CDHR2: variants seen among roughly 807,000 people sequenced by gnomAD.
CDHR2 encodes the protein cadherin-related family member 2.
Under a neutral mutation model 138.6 loss-of-function variants are expected in CDHR2, and 104 were observed. That is an observed-to-expected ratio of 0.75 (90% CI 0.64 to 0.88). The LOEUF is 0.88. Among genes scored for constraint, CDHR2 ranks in the 40% least tolerant of loss-of-function variants. CDHR2 has a pLI of 0.00. For synonymous variants in CDHR2, 755 were observed against 742.8 expected, an observed-to-expected ratio of 1.02 and a Z score of -0.27; for missense variants, 1,624 against 1,727.6, an observed-to-expected ratio of 0.94 and a Z score of 1.06.
At chr5:176,569,346 C>T (rs10056398) in intron 5 of CDHR2, among the ~76,000 whole-genome samples, 36,371 of 149,200 alleles carry the variant, frequency 0.24, 4,742 homozygotes, top group East Asian at 0.48. Flanking sequence ...TGCAGTGGCG[C>T]GATCTCGGCT....
upstream of CDHR2, among the ~76,000 whole-genome samples, chr5:176,545,468 T>G (rs1757565359): frequency 6.6e-6 from 1 of 152,122 alleles, no homozygotes; most frequent in African/African-American, 2.4e-5. Flanking sequence ...TAAAAAAAAT[T>G]TTAAGGCACA....
intron 3 of CDHR2, chr5:176,566,887 T>C (rs1581136113): frequency 1.3e-5 from 6 of 454,440 alleles, no homozygotes; most frequent in Non-Finnish European, 2.7e-5. Context: ...GGGGCTCCAT[T>C]GTTCTCAGAA....
intron 21 of CDHR2, among the ~76,000 whole-genome samples, chr5:176,587,698 G>A (rs1758702407): frequency 6.6e-6 from 1 of 152,146 alleles, no homozygotes; most frequent in Non-Finnish European, 1.5e-5. Context: ...GCATGTGGGT[G>A]CCATTCCCTA....
chr5:176,567,523 G>A (rs1195425723), intron 3 of CDHR2, among the ~76,000 whole-genome samples: 2 of 151,262 alleles, frequency 1.3e-5, no homozygotes, highest in African/African-American at 2.4e-5. Context: ...ATGGAGTCTC[G>A]CTCTGTCACC....
Position 176,568,849 on chromosome 5 carries a change from C to T in CDHR2, c.264+32C>T, listed in dbSNP as rs201217636. 2.6e-3 allele frequency: 4,119 copies of T among 1,612,752 alleles called. 12 individuals carry two copies. The highest frequency in any genetic ancestry group is 2.9e-3 in the Non-Finnish European group (3,462 of 1,179,228). On this transcript the variant is annotated intron_variant, in intron 4 of 31. Transcript: ENST00000261944. ...AGCATCAGCCGGAGAGGGCACGGGA[C>T]GCGGAGGGGGTGCTGGGAGGGCCCT...
chr5:176,558,810 G>T (rs996010579), intron 1 of CDHR2, among the ~76,000 whole-genome samples: 4 of 152,300 alleles, frequency 2.6e-5, no homozygotes, highest in East Asian at 1.9e-4. Context: ...GTGAGCCACC[G>T]CGCCCGGTTG....
At chr5:176,581,617 C>T (rs1758535462) in intron 17 of CDHR2, 35 bp downstream of exon 17, 2 of 1,596,952 alleles carry the variant, frequency 1.3e-6, no homozygotes, top group Middle Eastern at 1.7e-4. Context: ...GGCCTGGGGG[C>T]CTCCCAAGCC....
chr5:176,585,006 A>T lies in CDHR2; in HGVS notation c.2725A>T (p.Ser909Cys), dbSNP rs1283254559. 4.5e-6 allele frequency: 7 copies of T among 1,544,806 alleles called. No individual in the cohort carries two copies. The highest frequency in any genetic ancestry group is 5.3e-6 in the Non-Finnish European group (6 of 1,141,276). The change falls in exon 19 of 32, where the codon AGC becomes TGC. Residue 909 changes from serine (S) to cysteine (C), a missense_variant. Physicochemically the swap from Ser to Cys is moderately radical, Grantham distance 112. Coordinates refer to ENST00000261944, the MANE Select transcript of CDHR2 (RefSeq NM_017675.6). The part of the protein sequence containing the change: ...LATDPGFQAY[S>C]NNGSLLITIE... ...CACGGACCCCGGCTTCCAGGCCTAC[A>T]GCAACAATGGTAAGGCAGCCTGTCC...
In CDHR2 at chr5:176,575,844, G is replaced by A. The variant is rs1363286472; in HGVS notation, c.960+5G>A. 1.3e-6 allele frequency: 2 copies of A among 1,546,596 alleles called. No individual in the cohort carries two copies. The highest frequency in any genetic ancestry group is 1.4e-5 in the African/African-American group (1 of 73,022). ...GAGGTGCAGCTGCAGGTCACGGTGA[G>A]CAAAGGCCCCACCACCCCTGTCAGA... On this transcript the variant is annotated splice_donor_5th_base_variant and intron_variant, in intron 11 of 31. Coordinates refer to ENST00000261944, the MANE Select transcript of CDHR2 (RefSeq NM_017675.6).
chr5:176,581,687 T>C, intron 17 of CDHR2, 105 bp downstream of exon 17: 1 of 1,455,920 alleles, frequency 6.9e-7, no homozygotes, highest in Non-Finnish European at 9.3e-7. Context: ...CCTGCCTGGG[T>C]TACAATCCCG....
intron 3 of CDHR2, chr5:176,567,227 G>A (rs1039102602): frequency 2.9e-5 from 9 of 313,168 alleles, no homozygotes; most frequent in Admixed American, 4.1e-5. Flanking sequence ...GGAGTGTAGT[G>A]GTGCGATCAT....
intron 5 of CDHR2, among the ~76,000 whole-genome samples, chr5:176,570,206 T>C (rs898543370): frequency 6.6e-6 from 1 of 152,204 alleles, no homozygotes; most frequent in African/African-American, 2.4e-5. Context: ...AAATCCCCAA[T>C]TTTTGTAACG....
Position 176,575,958 on chromosome 5 carries a change from G to GAGACACACCTCAACATCT in CDHR2, c.969_986dup (p.Ile328_Tyr329insTer). 6.2e-7 allele frequency: 1 copy of GAGACACACCTCAACATCT among 1,613,278 alleles called. No individual in the cohort carries two copies. Among genetic ancestry groups the GAGACACACCTCAACATCT allele is most frequent in the Non-Finnish European group, 8.5e-7 (1 of 1,179,752 alleles). On this transcript the variant is annotated stop_gained and inframe_insertion, in exon 12 of 32. Transcript: ENST00000261944. LOFTEE classifies it high-confidence loss of function. ...CCTCTGCTCTGTGCCTCAGGCCACC[G>GAGACACACCTCAACATCT]AGACACACCTCAACATCTACGGGCA...
At chr5:176,587,035 A>T (rs1169434638) in intron 21 of CDHR2, among the ~76,000 whole-genome samples, 193 bp downstream of exon 21, 1 of 152,266 alleles carries the variant, frequency 6.6e-6, no homozygotes, top group Non-Finnish European at 1.5e-5. Context: ...CATTCATAAA[A>T]ATGTCATGAC....
Position 176,589,149 on chromosome 5 carries a change from C to T in CDHR2, c.2975C>T (p.Ser992Phe), listed in dbSNP as rs1484593696. 1 of 1,614,200 alleles carries T rather than the reference C, an allele frequency of 6.2e-7. No individual in the cohort carries two copies. Among genetic ancestry groups the T allele is most frequent in the East Asian group, 2.2e-5 (1 of 44,884 alleles). The change falls in exon 22 of 32, where the codon TCC becomes TTC. Residue 992 changes from serine to phenylalanine, a missense_variant. Physicochemically the swap from Ser to Phe is radical, Grantham distance 155 (BLOSUM62 -2). Transcript: ENST00000261944. ...PFQGVFSIFT[S>F]SEADVFAGSI... Reference sequence around the variant, plus strand: ...CAGGGTGTCTTCTCGATCTTCACCTCCTCCGAGGCCGACGTGTTCGCTGGG... The same window carrying T: ...CAGGGTGTCTTCTCGATCTTCACCTTCTCCGAGGCCGACGTGTTCGCTGGG...
At chr5:176,590,226 T>C in intron 25 of CDHR2, 27 bp from the exon 26 acceptor site, 1 of 1,613,978 alleles carries the variant, frequency 6.2e-7, no homozygotes, top group South Asian at 1.1e-5. Context: ...TCCAGGCTCC[T>C]GACTCTTCAA....
chr5:176,583,651 G>T (rs975163327), intron 17 of CDHR2, among the ~76,000 whole-genome samples: 3 of 152,212 alleles, frequency 2.0e-5, no homozygotes, highest in East Asian at 3.8e-4. Flanking sequence ...GCTGGTGTCT[G>T]AGGCAGGAGC....
In CDHR2 at chr5:176,551,158, G is replaced by A. The variant is rs371875787; in HGVS notation, c.-16+1744G>A. 7.5e-4 allele frequency among the ~76,000 whole-genome samples: 114 copies of A among 152,200 alleles called. No homozygotes were observed. In the Middle Eastern group the frequency reaches 0.01, roughly 14 times the overall value. ...TGACTAGCTAGGATTACAGGTGCAC[G>A]CCACCACGTCTGGCTAATTTTTTTT... On this transcript the variant is annotated intron_variant, in intron 1 of 31. Coordinates refer to ENST00000261944, the MANE Select transcript of CDHR2 (RefSeq NM_017675.6).
At chr5:176,587,556 G>T (rs1197704074) in intron 21 of CDHR2, among the ~76,000 whole-genome samples, 1 of 152,168 alleles carries the variant, frequency 6.6e-6, no homozygotes, top group African/African-American at 2.4e-5. Flanking sequence ...TGGCCATGCC[G>T]TGTGGGGATG....
Sources: gnomAD v4.1 joint callset for allele counts (sites outside exome capture counted in the v4.1 genomes callset) on GRCh38, gnomAD v4.1.1 for gene constraint, MANE v1.5 for transcripts, NCBI Gene and HGNC (gene_info 2026-07-23, HGNC 2026-07-21) for gene names.